The following AIMP1 variants were observed in gnomAD, a reference collection of about 807,000 sequenced individuals.
AIMP1 encodes aminoacyl tRNA synthetase complex interacting multifunctional protein 1, also known as aminoacyl tRNA synthase complex-interacting multifunctional protein 1.
In AIMP1, 24 loss-of-function variants were observed where a neutral mutation model predicts 33.1. The observed-to-expected ratio is 0.73, with a 90% CI of 0.53 to 1.02. The LOEUF (loss-of-function observed/expected upper bound fraction) is 1.02. AIMP1 is among the 50% of genes least tolerant of loss of function. The probability of loss-of-function intolerance (pLI) is 0.00; values close to 1 mark genes in which losing one functional copy is unlikely to be tolerated. For missense variants in AIMP1, 367 were observed against 364.8 expected (o/e 1.01, Z -0.05); for synonymous variants, 120 against 121.5 (o/e 0.99, Z 0.08).
Position 106,347,909 on chromosome 4 carries a change from C to A in AIMP1, c.*217C>A. The A allele has an allele frequency of 2.6e-6, 1 of 391,270 alleles. No individual in the cohort carries two copies. The highest frequency in any genetic ancestry group is 4.5e-6 in the Non-Finnish European group (1 of 222,008). The allele number at this position is 391,270 out of a possible 1,614,324, so 24.2% of individuals were successfully genotyped here. A position where few individuals can be genotyped will look rare whatever the true frequency, so the allele number is the denominator to read the frequency against. ...CATTTATAATGGAGAGAGGAAGTTGCCTATGTTTTGTAATAATTTATTTTT... is the reference window on the plus strand; with the variant it reads ...CATTTATAATGGAGAGAGGAAGTTGACTATGTTTTGTAATAATTTATTTTT... On this transcript the variant is annotated 3_prime_UTR_variant, in exon 7 of 7. Coordinates refer to ENST00000672341, the MANE Select transcript of AIMP1 (RefSeq NM_001142416.2).
intron 5 of AIMP1, among the ~76,000 whole-genome samples, chr4:106,332,307 T>C (rs901630442): frequency 6.6e-6 from 1 of 151,954 alleles, no homozygotes; most frequent in Non-Finnish European, 1.5e-5. Context: ...TCCTCATTTT[T>C]CCTCAAGTAT....
chr4:106,335,143 G>A (rs1769825346), intron 5 of AIMP1, among the ~76,000 whole-genome samples: 1 of 152,034 alleles, frequency 6.6e-6, no homozygotes, highest in African/African-American at 2.4e-5. Context: ...CTCTTATCTA[G>A]GAAAAAAGAA....
At chr4:106,338,422 C>T (rs1046786814) in intron 6 of AIMP1, among the ~76,000 whole-genome samples, 5 of 152,234 alleles carry the variant, frequency 3.3e-5, no homozygotes, top group African/African-American at 1.2e-4. Context: ...TGGTGCCCTG[C>T]TTCCCAGCTG....
chr4:106,328,839 C>T (rs998603661), intron 4 of AIMP1, among the ~76,000 whole-genome samples: 5 of 152,142 alleles, frequency 3.3e-5, no homozygotes, highest in Non-Finnish European at 7.4e-5. Flanking sequence ...TCTTTCTTTT[C>T]ATTAGGTCCT....
chr4:106,331,540 G>A, intron 4 of AIMP1, 132 bp from the exon 5 acceptor site: 2 of 724,790 alleles, frequency 2.8e-6, no homozygotes, highest in Non-Finnish European at 4.7e-6. Context: ...TATTATTTAA[G>A]TGAAGGTAGG....
intron 5 of AIMP1, 22 bp downstream of exon 5, chr4:106,331,905 CCT>C (rs1769696573): frequency 1.3e-6 from 2 of 1,599,408 alleles, no homozygotes; most frequent in Non-Finnish European, 1.7e-6. Context: ...AACTGAAATT[CCT>C]GTTGTGTACA....
Position 106,349,161 on chromosome 4 carries a change from T to G in AIMP1, c.*1469T>G, listed in dbSNP as rs925962783. 2.0e-5 allele frequency: 3 copies of G among 152,056 alleles called. No individual in the cohort carries two copies. Among genetic ancestry groups the G allele is most frequent in the African/African-American group, 7.2e-5 (3 of 41,406 alleles). The allele number at this position is 152,056 out of a possible 1,614,324, so 9.4% of individuals were successfully genotyped here. A position where few individuals can be genotyped will look rare whatever the true frequency, so the allele number is the denominator to read the frequency against. ...TGTTGGTACCTAAACACAAAATGAA[T>G]TTCAAAAGTTACTTTGTTCTCAAGA... On this transcript the variant is annotated 3_prime_UTR_variant, in exon 7 of 7. Transcript: ENST00000672341.
At chr4:106,323,292 A>G (rs1769335398) in intron 1 of AIMP1, among the ~76,000 whole-genome samples, 2 of 152,084 alleles carry the variant, frequency 1.3e-5, no homozygotes, top group Non-Finnish European at 2.9e-5. Flanking sequence ...AAGATTTTTT[A>G]TATGTTTCTG....
rs138409669 is a variant in AIMP1 at position 106,343,196 on chromosome 4, C to T, written c.773-4330C>T. Among the ~76,000 whole-genome samples the T allele has an allele frequency of 9.9e-4, 151 of 152,206 alleles. 1 individual carries two copies. In the East Asian group the frequency reaches 0.021, roughly 21 times the overall value. ...GTGTTTCTAAGAATTTATCAATTTTCTAATTTGTGTGCAAAGAGATGTTTT... is the reference window on the plus strand; with the variant it reads ...GTGTTTCTAAGAATTTATCAATTTTTTAATTTGTGTGCAAAGAGATGTTTT... On this transcript the variant is annotated intron_variant, in intron 6 of 6. Transcript: ENST00000672341.
At chr4:106,325,174 G>T in intron 2 of AIMP1, 56 bp downstream of exon 2, 1 of 1,443,864 alleles carries the variant, frequency 6.9e-7, no homozygotes, top group Non-Finnish European at 9.6e-7. Flanking sequence ...ATACATTGAT[G>T]GAGAAAAAAT....
intron 4 of AIMP1, among the ~76,000 whole-genome samples, chr4:106,330,922 A>G (rs773502901): frequency 2.6e-5 from 4 of 152,224 alleles, no homozygotes; most frequent in Admixed American, 2.6e-4. Flanking sequence ...AGTAGCTAAA[A>G]TAATCATGTG....
At chr4:106,345,296 T>G (rs1453019334) in intron 6 of AIMP1, among the ~76,000 whole-genome samples, 1 of 152,168 alleles carries the variant, frequency 6.6e-6, no homozygotes, top group Non-Finnish European at 1.5e-5. Context: ...GCAACATCCT[T>G]TTGGGCCAAG....
At chr4:106,343,294 A>G (rs1770170547) in intron 6 of AIMP1, among the ~76,000 whole-genome samples, 1 of 152,116 alleles carries the variant, frequency 6.6e-6, no homozygotes, top group African/African-American at 2.4e-5. Context: ...TCTGATTGCA[A>G]GTAGCTGAAT....
At chr4:106,329,876 C>G (rs992446794) in intron 4 of AIMP1, among the ~76,000 whole-genome samples, 15 of 150,468 alleles carry the variant, frequency 1.0e-4, no homozygotes, top group African/African-American at 3.4e-4. Context: ...ACCTCCACCT[C>G]CCGGGTTCAA....
At position 106,328,150 on chromosome 4, in the gene AIMP1, A is replaced by G. The variant is rs1391215802; in HGVS notation, c.298A>G (p.Thr100Ala). The change falls in exon 4 of 7, where the codon ACA (threonine) becomes GCA (alanine). Residue 100 changes from threonine (T) to alanine (A), a missense_variant. By Grantham distance (58) the Thr-to-Ala change is moderately conservative (BLOSUM62 0). Coordinates refer to ENST00000672341, the MANE Select transcript of AIMP1 (RefSeq NM_001142416.2). ...SMVSENVIQS[T>A]AVTTVSSGTK... Reference sequence around the variant, plus strand: ...GGTTTCTGAAAATGTGATACAGTCTACAGCAGTAACAACCGTATCTTCTGG... The same window carrying G: ...GGTTTCTGAAAATGTGATACAGTCTGCAGCAGTAACAACCGTATCTTCTGG... 5.0e-6 allele frequency: 8 copies of G among 1,613,524 alleles called. No homozygotes were observed. Among genetic ancestry groups the G allele is most frequent in the Non-Finnish European group, 6.8e-6 (8 of 1,179,752 alleles).
rs149432111 is a variant in AIMP1 at position 106,345,559 on chromosome 4, C to A, written c.773-1967C>A. Among the ~76,000 whole-genome samples the A allele has an allele frequency of 8.6e-5, 13 of 152,004 alleles. No individual in the cohort carries two copies. The East Asian group carries it at 2.5e-3, about 29-fold the overall frequency. On this transcript the variant is annotated intron_variant, in intron 6 of 6. Coordinates refer to ENST00000672341, the MANE Select transcript of AIMP1 (RefSeq NM_001142416.2). ...GTTTCTCTATTGTCGAATCAAACGTCCTTAAAGGAGTAGGAGAAATTCTTA... is the reference window on the plus strand; with the variant it reads ...GTTTCTCTATTGTCGAATCAAACGTACTTAAAGGAGTAGGAGAAATTCTTA...
chr4:106,330,927 CAT>C (rs1769650987), intron 4 of AIMP1, among the ~76,000 whole-genome samples: 5 of 151,998 alleles, frequency 3.3e-5, no homozygotes, highest in Admixed American at 1.3e-4. Context: ...CTAAAATAAT[CAT>C]GTGTTAATAA....
At chr4:106,338,538 C>G (rs1034674789) in intron 6 of AIMP1, among the ~76,000 whole-genome samples, 4 of 152,170 alleles carry the variant, frequency 2.6e-5, no homozygotes, top group Non-Finnish European at 5.9e-5. Context: ...CCTGCAGAGG[C>G]ACAGAACTGA....
chr4:106,323,816 A>C (rs1193832373), intron 1 of AIMP1, among the ~76,000 whole-genome samples: 2 of 152,248 alleles, frequency 1.3e-5, no homozygotes, highest in East Asian at 3.8e-4. Flanking sequence ...TTGATGAATA[A>C]TACTAAAATG....
Sources: allele counts gnomAD v4.1 joint callset (sites outside exome capture counted in the v4.1 genomes callset), GRCh38; gene constraint gnomAD v4.1.1; transcripts MANE v1.5; gene names NCBI Gene and HGNC (gene_info 2026-07-23, HGNC 2026-07-21).